Variants in SSBP2 observed in about 807,000 individuals in gnomAD.
The protein encoded by SSBP2 is single stranded DNA binding protein 2.
SSBP2 carries 17 observed loss-of-function variants against 61.8 expected under a neutral mutation model. The observed-to-expected ratio is 0.28, with a 90% CI of 0.19 to 0.41. The LOEUF (loss-of-function observed/expected upper bound fraction) is 0.41. SSBP2 is among the 10% of genes least tolerant of loss of function. The pLI is 1.00. For synonymous variants in SSBP2, 139 were observed against 141.3 expected (o/e 0.98, Z 0.12); for missense variants, 310 against 458.7 (o/e 0.68, Z 2.96).
chr5:81,507,698 A>G (rs535867215), intron 5 of SSBP2, among the ~76,000 whole-genome samples: 1 of 152,242 alleles, frequency 6.6e-6, no homozygotes, highest in East Asian at 1.9e-4. Context: ...TAAAGTAGGA[A>G]AAAGCATTTT....
At position 81,501,220 on chromosome 5, in the gene SSBP2, T is replaced by A. The variant is rs1462502494; in HGVS notation, c.373-11911A>T. The stretch of plus-strand genomic sequence containing the variant: ...AGGGAGACTCCATCTCAAATATATA[T>A]ATATATATATATATATATATATATA... On this transcript the variant is annotated intron_variant, in intron 5 of 16. Transcript: ENST00000320672. Among the ~76,000 whole-genome samples, 11 of 13,042 alleles carry A rather than the reference T, an allele frequency of 8.4e-4. No homozygotes were observed. The African/African-American group carries it at 9.0e-3, about 11-fold the overall frequency. 8.6% of individuals were successfully genotyped at this position (13,042 alleles called of 152,430 possible). A position where few individuals can be genotyped will look rare whatever the true frequency, so the allele number is the denominator to read the frequency against.
rs1038121537 is a variant in SSBP2, at chr5:81,559,821, T to G, written c.283-46104A>C. On this transcript the variant is annotated intron_variant, in intron 4 of 16. Coordinates refer to ENST00000320672, the MANE Select transcript of SSBP2 (RefSeq NM_012446.5). ...TCAAAATCTTAAACGTCAAAAAAAC[T>G]AAAAAAACAGTGATTTAGCATAATA... is the stretch of plus-strand genomic sequence containing the variant. Among the ~76,000 whole-genome samples the G allele has an allele frequency of 7.9e-5, 12 of 151,840 alleles. No individual in the cohort carries two copies. The South Asian group carries it at 1.0e-3, about 13-fold the overall frequency.
intron 1 of SSBP2, among the ~76,000 whole-genome samples, chr5:81,737,787 CAAAAAA>C (rs35211460): frequency 9.2e-6 from 1 of 108,308 alleles, no homozygotes; most frequent in Non-Finnish European, 1.8e-5. Context: ...GACTCCATCT[CAAAAAA>C]AAAAAAAAAA....
At chr5:81,653,715 T>A (rs112996384) in intron 1 of SSBP2, among the ~76,000 whole-genome samples, 163 of 152,338 alleles carry the variant, frequency 1.1e-3, no homozygotes, top group African/African-American at 3.6e-3. Flanking sequence ...TGAGCTTTTT[T>A]TCATGTTTGT....
chr5:81,566,673 A>G (rs1433525501), intron 4 of SSBP2, among the ~76,000 whole-genome samples: 1 of 152,196 alleles, frequency 6.6e-6, no homozygotes, highest in Non-Finnish European at 1.5e-5. Context: ...TTGGTTGGGA[A>G]CAGTTTGGAA....
intron 4 of SSBP2, among the ~76,000 whole-genome samples, chr5:81,556,059 AACTT>A (rs1357979537): frequency 6.6e-6 from 1 of 152,124 alleles, no homozygotes; most frequent in Non-Finnish European, 1.5e-5. Flanking sequence ...TTCCAAATAA[AACTT>A]TATTTACAAA....
At chr5:81,626,498 T>C (rs1180009276) in intron 3 of SSBP2, among the ~76,000 whole-genome samples, 2 of 152,222 alleles carry the variant, frequency 1.3e-5, no homozygotes, top group Admixed American at 6.5e-5. Flanking sequence ...GAGTGTGGTT[T>C]TAAGAGTTCT....
intron 10 of SSBP2, among the ~76,000 whole-genome samples, chr5:81,455,163 C>CAA (rs5869081): frequency 1.6e-4 from 24 of 149,950 alleles, no homozygotes; most frequent in South Asian, 4.2e-4. Flanking sequence ...ATTTAACGTT[C>CAA]AAAAAAAAAC....
intron 9 of SSBP2, among the ~76,000 whole-genome samples, chr5:81,464,375 T>C (rs1405873590): frequency 1.3e-5 from 2 of 152,216 alleles, no homozygotes; most frequent in Non-Finnish European, 2.9e-5. Flanking sequence ...TTATAAATGC[T>C]ACTTTAAATT....
chr5:81,740,425 T>C (rs990797750), intron 1 of SSBP2, among the ~76,000 whole-genome samples: 1 of 151,662 alleles, frequency 6.6e-6, no homozygotes, highest in African/African-American at 2.4e-5. Context: ...AAATGACAAA[T>C]AGCACATAAT....
intron 1 of SSBP2, among the ~76,000 whole-genome samples, chr5:81,749,319 TTTTGC>T (rs1028484753): frequency 2.7e-5 from 4 of 150,162 alleles, no homozygotes; most frequent in African/African-American, 9.8e-5. Flanking sequence ...TTTTGTTTTG[TTTTGC>T]TTTGCTACAT....
chr5:81,630,269 G>A (rs1747574870), intron 3 of SSBP2, among the ~76,000 whole-genome samples: 1 of 152,170 alleles, frequency 6.6e-6, no homozygotes, highest in Non-Finnish European at 1.5e-5. Flanking sequence ...CTAGGGCACA[G>A]ATTATGAAGT....
intron 4 of SSBP2, among the ~76,000 whole-genome samples, chr5:81,571,978 A>T (rs530846880): frequency 6.6e-6 from 1 of 152,276 alleles, no homozygotes; most frequent in African/African-American, 2.4e-5. Context: ...AGTGAAACTG[A>T]TTAGCTGCCT....
intron 1 of SSBP2, among the ~76,000 whole-genome samples, chr5:81,713,413 AC>A (rs1391341680): frequency 6.6e-6 from 1 of 152,098 alleles, no homozygotes; most frequent in Admixed American, 6.6e-5. Flanking sequence ...TTACTAAAAA[AC>A]ATAAGGCAAG....
At chr5:81,693,202 TAAAAAAAAAA>T (rs34403567) in intron 1 of SSBP2, among the ~76,000 whole-genome samples, 1 of 116,148 alleles carries the variant, frequency 8.6e-6, no homozygotes, top group Non-Finnish European at 1.8e-5. Context: ...GACTTTGTCT[TAAAAAAAAAA>T]AAAAAAAAAA....
At chr5:81,569,993 T>C (rs1773718354) in intron 4 of SSBP2, among the ~76,000 whole-genome samples, 1 of 152,148 alleles carries the variant, frequency 6.6e-6, no homozygotes, top group African/African-American at 2.4e-5. Context: ...AGATAAAACT[T>C]AAAAATATTT....
chr5:81,567,043 G>A (rs1773474108), intron 4 of SSBP2, among the ~76,000 whole-genome samples: 1 of 152,320 alleles, frequency 6.6e-6, no homozygotes, highest in African/African-American at 2.4e-5. Flanking sequence ...TTTGCAGCCT[G>A]ACAATGCAAT....
Position 81,418,937 on chromosome 5 carries a change from G to A in SSBP2, c.*1567C>T, listed in dbSNP as rs1374066581. On this transcript the variant is annotated 3_prime_UTR_variant, in exon 17 of 17. Coordinates refer to ENST00000320672, the MANE Select transcript of SSBP2 (RefSeq NM_012446.5). ...CTGCAATTAAACAATGCTTTTCAAA[G>A]TCTCTAGAGTTTGGATTCATAGTTG... The A allele has an allele frequency of 6.6e-6, 1 of 152,144 alleles. No homozygotes were observed. Among genetic ancestry groups the A allele is most frequent in the Non-Finnish European group, 1.5e-5 (1 of 68,024 alleles). 9.4% of individuals were successfully genotyped at this position (152,144 alleles called of 1,614,324 possible). A position where few individuals can be genotyped will look rare whatever the true frequency, so the allele number is the denominator to read the frequency against.
intron 3 of SSBP2, among the ~76,000 whole-genome samples, chr5:81,620,530 C>T (rs1253351183): frequency 8.1e-6 from 1 of 123,070 alleles, no homozygotes; most frequent in African/African-American, 3.2e-5. Flanking sequence ...CCATACTGCC[C>T]AAGGTAATTT....
Sources: allele counts gnomAD v4.1 joint callset (sites outside exome capture counted in the v4.1 genomes callset), GRCh38; gene constraint gnomAD v4.1.1; transcripts MANE v1.5; gene names NCBI Gene and HGNC (gene_info 2026-07-23, HGNC 2026-07-21).